Variants in TNIK observed in about 807,000 individuals in gnomAD.
TNIK encodes TRAF2 and NCK-interacting protein kinase.
A neutral mutation model predicts 191.3 loss-of-function variants in TNIK; 49 were observed. The ratio of observed to expected loss-of-function variants is 0.26; its 90% confidence interval spans 0.20 to 0.32. TNIK has a LOEUF of 0.32. Ranked by LOEUF, TNIK falls within the 10% of genes least tolerant of loss-of-function variation. The pLI is 1.00. For missense variants in TNIK, 1,155 were observed against 1,702.3 expected (o/e 0.68, Z 5.66); for synonymous variants, 594 against 600.9 (o/e 0.99, Z 0.17).
intron 1 of TNIK, among the ~76,000 whole-genome samples, chr3:171,427,509 C>T (rs1001706229): frequency 6.6e-6 from 1 of 152,060 alleles, no homozygotes; most frequent in African/African-American, 2.4e-5. Context: ...GAGTATAATG[C>T]CCACCGTGCA....
chr3:171,292,221 T>A (rs1400744614), intron 2 of TNIK, among the ~76,000 whole-genome samples: 2 of 152,240 alleles, frequency 1.3e-5, no homozygotes, highest in African/African-American at 4.8e-5. Flanking sequence ...CAAGGTTGGC[T>A]TCTATCCATT....
At chr3:171,240,071 G>T (rs145429898) in intron 2 of TNIK, among the ~76,000 whole-genome samples, 1 of 152,158 alleles carries the variant, frequency 6.6e-6, no homozygotes, top group African/African-American at 2.4e-5. Flanking sequence ...ATTTAGCTGC[G>T]ATCCAACTGT....
At position 171,185,177 on chromosome 3, in the gene TNIK, C is replaced by CTGTGTGTGTGTG. The variant is rs879495222; in HGVS notation, c.639+3524_639+3525insCACACACACACA. On this transcript the variant is annotated intron_variant, in intron 7 of 32. Transcript: ENST00000436636. ...TTTTTCCAGGTTCTTTATAGATTTCCCGTGTGTGTGTGTGTGTGTGTGTGT... is the reference window on the plus strand; with the variant it reads ...TTTTTCCAGGTTCTTTATAGATTTCCTGTGTGTGTGTGCGTGTGTGTGTGTGTGTGTGTGTGT... 7.5e-3 allele frequency among the ~76,000 whole-genome samples: 885 copies of CTGTGTGTGTGTG among 118,012 alleles called. 8 individuals carry two copies. Among genetic ancestry groups the CTGTGTGTGTGTG allele is most frequent in the South Asian group, 0.011 (34 of 3,180 alleles). 77.4% of individuals were successfully genotyped at this position (118,012 alleles called of 152,430 possible).
At chr3:171,306,344 C>T (rs1045418236) in intron 2 of TNIK, among the ~76,000 whole-genome samples, 6 of 152,076 alleles carry the variant, frequency 3.9e-5, no homozygotes, top group South Asian at 2.1e-4. Flanking sequence ...CAAACCTGCA[C>T]GTGTACCCCT....
intron 12 of TNIK, among the ~76,000 whole-genome samples, chr3:171,150,477 C>T (rs190246619): frequency 4.6e-5 from 7 of 152,310 alleles, no homozygotes; most frequent in Admixed American, 1.3e-4. Flanking sequence ...GCTTGTTATT[C>T]ACTCAGCACA....
chr3:171,445,208 T>C (rs912902305), intron 1 of TNIK, among the ~76,000 whole-genome samples: 1 of 151,880 alleles, frequency 6.6e-6, no homozygotes, highest in African/African-American at 2.4e-5. Context: ...GGCAGGCAGA[T>C]CCCTTGAGCT....
In TNIK at chr3:171,356,623, C is replaced by A. The variant is rs527901274; in HGVS notation, c.123+12997G>T. 2.4e-3 allele frequency among the ~76,000 whole-genome samples: 358 copies of A among 152,248 alleles called. 2 individuals are homozygous for A. The highest frequency in any genetic ancestry group is 8.1e-3 in the African/African-American group (335 of 41,538). On this transcript the variant is annotated intron_variant, in intron 2 of 32. Transcript: ENST00000436636. ...AAGGGCAGGGCAAAACCAATCTTTG[C>A]CAAACATTTAAGGAGATGTTATACA...
intron 4 of TNIK, among the ~76,000 whole-genome samples, chr3:171,197,431 G>A (rs1036404153): frequency 6.6e-6 from 1 of 152,140 alleles, no homozygotes; most frequent in African/African-American, 2.4e-5. Context: ...ATAAGCATTT[G>A]TGAATGAAAG....
chr3:171,129,416 G>A (rs374056474), intron 15 of TNIK, among the ~76,000 whole-genome samples: 12 of 152,316 alleles, frequency 7.9e-5, no homozygotes, highest in East Asian at 5.8e-4. Context: ...CTTAATGCGC[G>A]TGGCGTGTTT....
Position 171,113,610 on chromosome 3 carries a change from G to GAA in TNIK, c.2121-2735_2121-2734dup, listed in dbSNP as rs558311545. Among the ~76,000 whole-genome samples the GAA allele has an allele frequency of 9.4e-5, 12 of 127,908 alleles. No homozygotes were observed. The East Asian group carries it at 2.2e-3, about 24-fold the overall frequency. 83.9% of individuals were successfully genotyped at this position (127,908 alleles called of 152,430 possible). A position where few individuals can be genotyped will look rare whatever the true frequency, so the allele number is the denominator to read the frequency against. The stretch of plus-strand genomic sequence containing the variant: ...GACAGAGCGAGACTCTGTCTGTCTC[G>GAA]AAAAAAAAAAAAAGCAAATTCAAGA... On this transcript the variant is annotated intron_variant, in intron 18 of 32. Coordinates refer to ENST00000436636, the MANE Select transcript of TNIK (RefSeq NM_015028.4).
At chr3:171,434,066 C>G (rs1291891874) in intron 1 of TNIK, among the ~76,000 whole-genome samples, 1 of 150,338 alleles carries the variant, frequency 6.7e-6, no homozygotes, top group East Asian at 2.0e-4. Flanking sequence ...GTACCTCAGC[C>G]TCCCTAGTAG....
chr3:171,097,504 C>T lies in TNIK; in HGVS notation c.2592-3536G>A, dbSNP rs138454317. Among the ~76,000 whole-genome samples the T allele has an allele frequency of 3.4e-3, 521 of 152,280 alleles. 2 individuals are homozygous for T. Among genetic ancestry groups the T allele is most frequent in the African/African-American group, 0.012 (493 of 41,556 alleles). On this transcript the variant is annotated intron_variant, in intron 22 of 32. Coordinates refer to ENST00000436636, the MANE Select transcript of TNIK (RefSeq NM_015028.4). ...ATAATCCCACGACATGGGAGTGACC[C>T]GGTGGGAGGTAATTGAATCATGGAG...
Position 171,180,240 on chromosome 3 carries a change from C to T in TNIK, c.640-2860G>A, listed in dbSNP as rs2108796818. 1.3e-5 allele frequency among the ~76,000 whole-genome samples: 2 copies of T among 152,278 alleles called. 1 individual carries two copies. The highest frequency in any genetic ancestry group is 6.8e-3 in the Middle Eastern group (2 of 294). On this transcript the variant is annotated intron_variant, in intron 7 of 32. Coordinates refer to ENST00000436636, the MANE Select transcript of TNIK (RefSeq NM_015028.4). ...GTTACCTCTTCCTGCAGCACCTCAG[C>T]AGTGATGTGCTAGCTGACTCCCTCA...
chr3:171,343,883 T>A (rs1711706747), intron 2 of TNIK, among the ~76,000 whole-genome samples: 1 of 152,198 alleles, frequency 6.6e-6, no homozygotes, highest in Non-Finnish European at 1.5e-5. Context: ...CTCACTCACT[T>A]GTTTCAGTAA....
chr3:171,288,076 C>A (rs1293418184), intron 2 of TNIK, among the ~76,000 whole-genome samples: 1 of 146,700 alleles, frequency 6.8e-6, no homozygotes, highest in Non-Finnish European at 1.5e-5. Flanking sequence ...GAACAAAAAA[C>A]CAAACACCAC....
At position 171,120,540 on chromosome 3, in the gene TNIK, C is replaced by T. The variant is rs12495815; in HGVS notation, c.2120+3056G>A. On this transcript the variant is annotated intron_variant, in intron 18 of 32. Transcript: ENST00000436636. Reference sequence around the variant, plus strand: ...TTCACCGTGTTAGCCAGGATGGTCTCGATCTCCTGACCTCGTGATCCACCT... The same window carrying T: ...TTCACCGTGTTAGCCAGGATGGTCTTGATCTCCTGACCTCGTGATCCACCT... Among the ~76,000 whole-genome samples, 5 of 152,110 alleles carry T rather than the reference C, an allele frequency of 3.3e-5. No individual in the cohort carries two copies. The East Asian group carries it at 7.7e-4, about 23-fold the overall frequency.
Position 171,211,284 on chromosome 3 carries a change from G to A in TNIK, c.181-43C>T, listed in dbSNP as rs1393837474. ...AAAAATTCTGTCATGAAAATCTATG[G>A]TTGTTAGTAGGATTCTGTTCTTCAA... On this transcript the variant is annotated intron_variant, in intron 3 of 32. Coordinates refer to ENST00000436636, the MANE Select transcript of TNIK (RefSeq NM_015028.4). 13 of 1,562,756 alleles carry A rather than the reference G, an allele frequency of 8.3e-6. No homozygotes were observed. In the African/African-American group the frequency reaches 1.6e-4, roughly 20 times the overall value.
At chr3:171,164,232 G>A (rs978603452) in intron 10 of TNIK, among the ~76,000 whole-genome samples, 1 of 152,206 alleles carries the variant, frequency 6.6e-6, no homozygotes, top group Non-Finnish European at 1.5e-5. Context: ...TCATGGCATG[G>A]TGAGTTCTGA....
rs143007977 is a variant in TNIK at position 171,097,597 on chromosome 3, G to A, written c.2592-3629C>T. Among the ~76,000 whole-genome samples the A allele has an allele frequency of 9.5e-3, 1,448 of 152,224 alleles. 25 individuals are homozygous for A. The highest frequency in any genetic ancestry group is 0.033 in the African/African-American group (1,390 of 41,538). On this transcript the variant is annotated intron_variant, in intron 22 of 32. Coordinates refer to ENST00000436636, the MANE Select transcript of TNIK (RefSeq NM_015028.4). ...CAGGACATCTGATGGTTTTATAAAG[G>A]GCAGTTCCCCTGCACATGCTCTCTT... is the stretch of plus-strand genomic sequence containing the variant.
Sources: allele counts gnomAD v4.1 joint callset (sites outside exome capture counted in the v4.1 genomes callset), GRCh38; gene constraint gnomAD v4.1.1; transcripts MANE v1.5; gene names NCBI Gene and HGNC (gene_info 2026-07-23, HGNC 2026-07-21).